PDE1C: variants seen among roughly 807,000 people sequenced by gnomAD.
PDE1C encodes the protein phosphodiesterase 1C.
In PDE1C, 62 loss-of-function variants were observed where a neutral mutation model predicts 93.1. The ratio of observed to expected loss-of-function variants is 0.67; its 90% CI spans 0.54 to 0.82. PDE1C has a LOEUF of 0.82. Among genes scored for constraint, PDE1C ranks in the 40% least tolerant of loss-of-function variants. The pLI is 0.00. For missense variants in PDE1C, 742 were observed against 884.6 expected (o/e 0.84, Z 2.04); for synonymous variants, 325 against 310.1 (o/e 1.05, Z -0.50).
chr7:31,790,356 C>G (rs1170251780), intron 16 of PDE1C: 7 of 988,604 alleles, frequency 7.1e-6, no homozygotes, highest in Non-Finnish European at 9.2e-6. Context: ...TCTAGGGGAC[C>G]AAAAAAAATG....
intron 2 of PDE1C, among the ~76,000 whole-genome samples, chr7:32,006,563 C>T (rs1276987932): frequency 6.6e-6 from 1 of 152,200 alleles, no homozygotes; most frequent in African/African-American, 2.4e-5. Flanking sequence ...AGGCCCATCA[C>T]TTACAGCTGG....
chr7:32,360,996 G>A (rs905975723), intron 1 of PDE1C, among the ~76,000 whole-genome samples: 14 of 152,190 alleles, frequency 9.2e-5, no homozygotes, highest in South Asian at 2.1e-4. Flanking sequence ...GTAGGAAGGA[G>A]GTATTAGCTC....
chr7:31,697,359 T>C, the PDE1C span, among the ~76,000 whole-genome samples: 5 of 152,130 alleles, frequency 3.3e-5, no homozygotes, highest in African/African-American at 9.7e-5. Context: ...GCAGAGCTGG[T>C]TGAATTCACT....
the PDE1C span, among the ~76,000 whole-genome samples, chr7:31,664,089 A>G: frequency 7.9e-5 from 12 of 152,202 alleles, no homozygotes; most frequent in African/African-American, 2.2e-4. Flanking sequence ...AAAACCAGGT[A>G]TGATCCCAGG....
At chr7:31,879,970 G>A (rs998419112) in intron 3 of PDE1C, among the ~76,000 whole-genome samples, 13 of 151,360 alleles carry the variant, frequency 8.6e-5, no homozygotes, top group Non-Finnish European at 1.9e-4. Flanking sequence ...ATAACATTTG[G>A]AAAAAAGCTA....
chr7:31,807,579 G>A (rs1383724183), intron 16 of PDE1C, among the ~76,000 whole-genome samples: 2 of 151,910 alleles, frequency 1.3e-5, no homozygotes, highest in African/African-American at 4.8e-5. Context: ...ATTCAAAATG[G>A]CATACGAAAA....
At chr7:31,717,420 C>T in the PDE1C span, among the ~76,000 whole-genome samples, 15 of 152,312 alleles carry the variant, frequency 9.8e-5, no homozygotes, top group East Asian at 7.7e-4. Flanking sequence ...GGTTGCCTGC[C>T]TTCAGCCTTG....
At chr7:32,012,815 T>G (rs1787332515) in intron 2 of PDE1C, among the ~76,000 whole-genome samples, 1 of 152,238 alleles carries the variant, frequency 6.6e-6, no homozygotes, top group Non-Finnish European at 1.5e-5. Context: ...GACCTACTAT[T>G]TCAAGTCCTG....
chr7:32,212,025 C>CAAAAAAAAA (rs35827566), intron 1 of PDE1C, among the ~76,000 whole-genome samples: 6 of 81,258 alleles, frequency 7.4e-5, no homozygotes, highest in South Asian at 4.4e-4. Flanking sequence ...GAACCTATCT[C>CAAAAAAAAA]AAAAAAAAAA....
At chr7:32,149,601 G>T (rs1801113152) in intron 3 of PDE1C, among the ~76,000 whole-genome samples, 1 of 152,196 alleles carries the variant, frequency 6.6e-6, no homozygotes, top group African/African-American at 2.4e-5. Context: ...CATCCACTAA[G>T]GAACATTTAT....
intron 3 of PDE1C, among the ~76,000 whole-genome samples, chr7:32,152,139 G>T (rs1224420712): frequency 6.6e-6 from 1 of 152,122 alleles, no homozygotes; most frequent in Non-Finnish European, 1.5e-5. Context: ...CTGGAGTAGG[G>T]CATGACTCCA....
At chr7:31,780,810 T>C (rs1281200150) in intron 16 of PDE1C, among the ~76,000 whole-genome samples, 2 of 3,720 alleles carry the variant, frequency 5.4e-4, no homozygotes, top group East Asian at 2.6e-3. Flanking sequence ...CATTTGTGTG[T>C]GTGTGTGTGT....
intron 2 of PDE1C, among the ~76,000 whole-genome samples, chr7:31,950,803 G>A (rs773391277): frequency 6.6e-6 from 1 of 152,092 alleles, no homozygotes; most frequent in Non-Finnish European, 1.5e-5. Context: ...TAAGATTTTA[G>A]CTTGAAATTC....
chr7:31,814,915 T>G (rs1788037512), intron 15 of PDE1C, among the ~76,000 whole-genome samples: 1 of 151,796 alleles, frequency 6.6e-6, no homozygotes, highest in Admixed American at 6.6e-5. Flanking sequence ...ACTGCTAAAT[T>G]ACCTTGCTAT....
chr7:31,653,991 A>T, the PDE1C span, among the ~76,000 whole-genome samples: 1 of 149,236 alleles, frequency 6.7e-6, no homozygotes, highest in African/African-American at 2.5e-5. Context: ...CTAGTGCTGG[A>T]GACAGCCATA....
intron 3 of PDE1C, among the ~76,000 whole-genome samples, chr7:32,161,616 T>C (rs1194932632): frequency 4.2e-4 from 45 of 106,670 alleles, no homozygotes; most frequent in African/African-American, 1.4e-3. Context: ...TTGTTTAGAG[T>C]TTAGAGAGAA....
intron 1 of PDE1C, among the ~76,000 whole-genome samples, chr7:32,249,386 A>G (rs1215874074): frequency 6.6e-6 from 1 of 151,900 alleles, no homozygotes; most frequent in Non-Finnish European, 1.5e-5. Flanking sequence ...GGATCTGCTG[A>G]GCAGTAAGGT....
At chr7:31,874,470 G>A (rs974608581) in intron 5 of PDE1C, among the ~76,000 whole-genome samples, 1 of 152,160 alleles carries the variant, frequency 6.6e-6, no homozygotes, top group African/African-American at 2.4e-5. Flanking sequence ...ATGGTACACT[G>A]GCAGAGACCT....
intron 7 of PDE1C, among the ~76,000 whole-genome samples, chr7:31,860,757 C>T (rs2041514): frequency 0.46 from 69,364 of 151,826 alleles, 16,530 homozygotes; most frequent in East Asian, 0.52. Flanking sequence ...TGTTTAAAAG[C>T]TTAATTTTAA....
Sources: allele counts gnomAD v4.1 joint callset (sites outside exome capture counted in the v4.1 genomes callset), GRCh38; gene constraint gnomAD v4.1.1; transcripts MANE v1.5; gene names NCBI Gene and HGNC (gene_info 2026-07-23, HGNC 2026-07-21).